TMPRSS15: variants seen among roughly 807,000 people sequenced by gnomAD.
TMPRSS15 encodes transmembrane serine protease 15.
TMPRSS15 carries 128 observed loss-of-function variants against 125.3 expected under a neutral mutation model. The ratio of observed to expected loss-of-function variants is 1.02; its 90% CI spans 0.89 to 1.18. The LOEUF (loss-of-function observed/expected upper bound fraction) is 1.18. TMPRSS15 is among the 50% of genes most tolerant of loss of function. The pLI is 0.00. For synonymous variants in TMPRSS15, 446 were observed against 423.2 expected (o/e 1.05, Z -0.66); for missense variants, 1,283 against 1,212.7 (o/e 1.06, Z -0.86).
At chr21:18,434,729 T>C (rs996331051) in intron 1 of TMPRSS15, among the ~76,000 whole-genome samples, 1 of 152,056 alleles carries the variant, frequency 6.6e-6, no homozygotes, top group South Asian at 2.1e-4. Context: ...TCTTAATCCA[T>C]CCAATGTTTT....
chr21:18,398,004 G>T (rs2076055610), intron 2 of TMPRSS15, 58 bp from the exon 3 acceptor site: 1 of 1,310,328 alleles, frequency 7.6e-7, no homozygotes, highest in Non-Finnish European at 1.1e-6. Context: ...AACTTTTGTT[G>T]AAAAATTTAT....
intron 17 of TMPRSS15, among the ~76,000 whole-genome samples, chr21:18,313,299 TGGATA>T (rs1206078655): frequency 6.6e-6 from 1 of 151,966 alleles, no homozygotes; most frequent in Non-Finnish European, 1.5e-5. Flanking sequence ...TTTAAGGTGA[TGGATA>T]GGTTGATTAG....
At chr21:18,306,017 C>A (rs1027652633) in intron 18 of TMPRSS15, among the ~76,000 whole-genome samples, 1 of 152,192 alleles carries the variant, frequency 6.6e-6, no homozygotes, top group Admixed American at 6.5e-5. Context: ...AATAAAAGTA[C>A]CTTCTGTGCT....
chr21:18,418,946 A>C (rs2076186080), intron 1 of TMPRSS15, among the ~76,000 whole-genome samples: 1 of 152,192 alleles, frequency 6.6e-6, no homozygotes, highest in Non-Finnish European at 1.5e-5. Flanking sequence ...CGACCATACA[A>C]GTTAGATCAT....
intron 1 of TMPRSS15, among the ~76,000 whole-genome samples, chr21:18,423,671 C>T (rs1022175455): frequency 6.6e-6 from 1 of 151,806 alleles, no homozygotes; most frequent in South Asian, 2.1e-4. Context: ...CCACCTCAGC[C>T]TCCCAAAGTG....
At chr21:18,284,664 T>C (rs2074741219) in intron 21 of TMPRSS15, among the ~76,000 whole-genome samples, 1 of 151,912 alleles carries the variant, frequency 6.6e-6, no homozygotes, top group Admixed American at 6.6e-5. Flanking sequence ...TAGGAGAAGG[T>C]GAGAACCACC....
At position 18,275,216 on chromosome 21, in the gene TMPRSS15, CCTT is replaced by C. The variant is rs2074604865; in HGVS notation, c.2882_2884del (p.Glu961del). ...CTTTACCTGACAAGAATCTATTCCT[CCTT>C]CTTCATAGCCTGCACATATCATATT... On this transcript the variant is annotated inframe_deletion, in exon 24 of 25. Transcript: ENST00000284885. 6.2e-7 allele frequency: 1 copy of C among 1,613,922 alleles called. No homozygotes were observed.
At chr21:18,279,192 C>T in intron 22 of TMPRSS15, 133 bp from the exon 23 acceptor site, 2 of 613,884 alleles carry the variant, frequency 3.3e-6, no homozygotes, top group Non-Finnish European at 5.8e-6. Context: ...TTAATCCTAC[C>T]TGTAAAAATT....
chr21:18,427,120 T>C (rs1569066542), intron 1 of TMPRSS15, among the ~76,000 whole-genome samples: 1 of 152,234 alleles, frequency 6.6e-6, no homozygotes, highest in Non-Finnish European at 1.5e-5. Context: ...GCTCTAGGCA[T>C]CAACTTATGT....
At chr21:18,455,971 A>C (rs1371652200) in intron 1 of TMPRSS15, among the ~76,000 whole-genome samples, 1 of 152,180 alleles carries the variant, frequency 6.6e-6, no homozygotes, top group East Asian at 1.9e-4. Context: ...GTAGGTTACT[A>C]AGATGACTAA....
At chr21:18,271,420 C>T (rs1413139257) in intron 24 of TMPRSS15, among the ~76,000 whole-genome samples, 1 of 152,038 alleles carries the variant, frequency 6.6e-6, no homozygotes, top group Non-Finnish European at 1.5e-5. Flanking sequence ...AAGGATTTTA[C>T]CCAGAACATA....
rs1455311443 is a variant in TMPRSS15, at chr21:18,383,648, A to G, written c.475T>C (p.Leu159=). The change falls in exon 4 of 25, where the codon TTG becomes CTG. Residue 159 remains leucine (L), a synonymous_variant. Transcript: ENST00000284885. ...ATACCTAGGATATCAACGCTGTTCA[A>G]ATCAATATGGAAAGTGACCAGTTGG... The part of the protein sequence containing the change: ...SSQLVTFHID[L]NSVDILDKLT... 1 of 1,613,928 alleles carries G rather than the reference A, an allele frequency of 6.2e-7. No individual in the cohort carries two copies. The highest frequency in any genetic ancestry group is 1.3e-5 in the African/African-American group (1 of 75,052).
chr21:18,472,739 AG>A (rs2123284595), intron 1 of TMPRSS15, among the ~76,000 whole-genome samples: 1 of 152,118 alleles, frequency 6.6e-6, no homozygotes, highest in South Asian at 2.1e-4. Flanking sequence ...ACAGCAAATC[AG>A]TGGGAAAAGA....
intron 9 of TMPRSS15, 86 bp from the exon 10 acceptor site, chr21:18,353,138 C>G: frequency 9.3e-7 from 1 of 1,070,724 alleles, no homozygotes; most frequent in Non-Finnish European, 1.4e-6. Context: ...ATAATCTAAC[C>G]TTATACAGCT....
chr21:18,413,346 TC>T (rs2076172042), intron 1 of TMPRSS15, among the ~76,000 whole-genome samples: 2 of 143,086 alleles, frequency 1.4e-5, no homozygotes, highest in Non-Finnish European at 3.1e-5. Flanking sequence ...CTTCCTTCCT[TC>T]CTTCCTTCCT....
chr21:18,485,694 TA>T (rs1461769780), intron 1 of TMPRSS15: 1 of 154,124 alleles, frequency 6.5e-6, no homozygotes, highest in African/African-American at 2.4e-5. Context: ...TATTTTGTCA[TA>T]ATTTACTGTA....
chr21:18,348,148 G>A (rs1164386613), intron 10 of TMPRSS15, among the ~76,000 whole-genome samples: 1 of 151,612 alleles, frequency 6.6e-6, no homozygotes, highest in African/African-American at 2.4e-5. Context: ...TTATGCCACT[G>A]TACTCCAGTC....
At chr21:18,396,847 T>TATCTATCAATC (rs200141519) in intron 3 of TMPRSS15, among the ~76,000 whole-genome samples, 199 of 139,488 alleles carry the variant, frequency 1.4e-3, no homozygotes, top group African/African-American at 5.0e-3. Context: ...TCTATCTATC[T>TATCTATCAATC]ATCTTAAGTC....
chr21:18,331,700 CT>C (rs2146969158), intron 14 of TMPRSS15, among the ~76,000 whole-genome samples: 1 of 152,236 alleles, frequency 6.6e-6, no homozygotes, highest in South Asian at 2.1e-4. Flanking sequence ...AAATTGCAAA[CT>C]TGTTAAACAC....
Sources: gnomAD v4.1 joint callset for allele counts (sites outside exome capture counted in the v4.1 genomes callset) on GRCh38, gnomAD v4.1.1 for gene constraint, MANE v1.5 for transcripts, NCBI Gene and HGNC (gene_info 2026-07-23, HGNC 2026-07-21) for gene names.